C10orf90: variants seen among roughly 807,000 people sequenced by gnomAD.
C10orf90 encodes the protein chromosome 10 open reading frame 90.
In C10orf90, 56 loss-of-function variants were observed where a neutral mutation model predicts 62.5. That is an observed-to-expected ratio of 0.90 (90% CI 0.72 to 1.12). The LOEUF (loss-of-function observed/expected upper bound fraction) is 1.12. Among genes scored for constraint, C10orf90 ranks in the 50% most tolerant of loss-of-function variants. C10orf90 has a pLI of 0.00. For synonymous variants in C10orf90, 386 were observed against 340.4 expected (o/e 1.13, Z -1.47); for missense variants, 970 against 880.4 (o/e 1.10, Z -1.29).
intron 1 of C10orf90, among the ~76,000 whole-genome samples, chr10:126,656,511 C>T (rs906401365): frequency 2.6e-5 from 4 of 152,208 alleles, no homozygotes; most frequent in African/African-American, 9.7e-5. Context: ...AGGCCAAGCC[C>T]TTGCTCCTCT....
In C10orf90 at chr10:126,459,021, C is replaced by G. The variant is rs745788928; in HGVS notation, c.2188+19G>C. ...CATCCCTGGTCTTTTCCAGTCTCCA[C>G]AAGCCACCTGCAGCTTACCACTCAG... On this transcript the variant is annotated intron_variant, in intron 7 of 9. Coordinates refer to ENST00000488181, the MANE Select transcript of C10orf90 (RefSeq NM_001350921.2). 2 of 1,606,400 alleles carry G rather than the reference C, an allele frequency of 1.2e-6. No individual in the cohort carries two copies. The highest frequency in any genetic ancestry group is 1.7e-6 in the Non-Finnish European group (2 of 1,176,380).
At chr10:126,550,048 C>T (rs1217051310) in intron 2 of C10orf90, among the ~76,000 whole-genome samples, 5 of 151,744 alleles carry the variant, frequency 3.3e-5, no homozygotes, top group South Asian at 2.1e-4. Flanking sequence ...ATCAGCCTCC[C>T]GGGTTCAAGC....
In C10orf90 at chr10:126,496,619, G is replaced by C. The variant is rs1476022232; in HGVS notation, c.1534+7338C>G. ...ACCCTCCACTTCAATTTTAAACCAA[G>C]TGGGGATTCTAGTTTTAACTTTACT... is the stretch of plus-strand genomic sequence containing the variant. On this transcript the variant is annotated intron_variant, in intron 4 of 9. Transcript: ENST00000488181. The C allele has an allele frequency of 7.1e-6, 7 of 980,008 alleles. No homozygotes were observed. In the Admixed American group the frequency reaches 4.3e-4, roughly 60 times the overall value. 60.7% of individuals were successfully genotyped at this position (980,008 alleles called of 1,614,324 possible).
rs1047599152 is a variant in C10orf90 at position 126,556,127 on chromosome 10, T to C, written c.314-42188A>G. Among the ~76,000 whole-genome samples, 6 of 152,228 alleles carry C rather than the reference T, an allele frequency of 3.9e-5. No individual in the cohort carries two copies. In the East Asian group the frequency reaches 1.2e-3, roughly 29 times the overall value. ...ATCAAAACCAGCTGGTGGTCTGGCA[T>C]GTGGTCAAGTTACACCAATGTGGGA... On this transcript the variant is annotated intron_variant, in intron 2 of 9. Transcript: ENST00000488181.
At chr10:126,431,979 G>A (rs1163464335) in intron 7 of C10orf90, among the ~76,000 whole-genome samples, 1 of 152,188 alleles carries the variant, frequency 6.6e-6, no homozygotes. Context: ...CATGTTAGGT[G>A]CAAAACAAGC....
intron 2 of C10orf90, among the ~76,000 whole-genome samples, chr10:126,609,469 G>T (rs1468493484): frequency 6.6e-6 from 1 of 152,222 alleles, no homozygotes; most frequent in East Asian, 1.9e-4. Context: ...CCTCAATGAT[G>T]CTGGCTGTCA....
chr10:126,489,265 A>G (rs1224551022), intron 4 of C10orf90, among the ~76,000 whole-genome samples: 3 of 152,174 alleles, frequency 2.0e-5, no homozygotes, highest in Non-Finnish European at 2.9e-5. Flanking sequence ...AAATGAAGAA[A>G]GAAAATCCCA....
At chr10:126,441,449 G>A (rs1355854394) in intron 7 of C10orf90, among the ~76,000 whole-genome samples, 2 of 152,080 alleles carry the variant, frequency 1.3e-5, no homozygotes, top group Non-Finnish European at 2.9e-5. Flanking sequence ...CTAAAAGTTT[G>A]GAAAACATAT....
At chr10:126,431,312 C>T (rs1205250656) in intron 7 of C10orf90, among the ~76,000 whole-genome samples, 1 of 152,168 alleles carries the variant, frequency 6.6e-6, no homozygotes, top group East Asian at 1.9e-4. Context: ...AAAATCCCTA[C>T]ACTAGGTATG....
At chr10:126,556,799 T>C (rs950511592) in intron 2 of C10orf90, among the ~76,000 whole-genome samples, 3 of 151,988 alleles carry the variant, frequency 2.0e-5, no homozygotes, top group Non-Finnish European at 4.4e-5. Flanking sequence ...AGGAGAGAGT[T>C]CCTGTAGACA....
intron 2 of C10orf90, among the ~76,000 whole-genome samples, chr10:126,586,396 C>T (rs1232749730): frequency 6.6e-6 from 1 of 152,188 alleles, no homozygotes; most frequent in Non-Finnish European, 1.5e-5. Flanking sequence ...GGAGGTGGCC[C>T]CAAGCCACTG....
intron 2 of C10orf90, among the ~76,000 whole-genome samples, chr10:126,542,049 G>A (rs184648312): frequency 6.6e-6 from 1 of 152,286 alleles, no homozygotes; most frequent in African/African-American, 2.4e-5. Context: ...CATGCCACAC[G>A]AAAGAAGCCA....
chr10:126,532,754 G>A (rs1864129027), intron 2 of C10orf90, among the ~76,000 whole-genome samples: 3 of 144,952 alleles, frequency 2.1e-5, no homozygotes, highest in South Asian at 4.7e-4. Flanking sequence ...GGAGAATGGC[G>A]TGAACCCGGG....
Position 126,425,971 on chromosome 10 carries a change from G to A in C10orf90, c.2352+20C>T. The stretch of plus-strand genomic sequence containing the variant: ...TCTGTGCACCACACACATCACACCT[G>A]CTGGTGACGAGGCCATTACCTTTTT... On this transcript the variant is annotated intron_variant, in intron 9 of 9. Transcript: ENST00000488181. 2 of 1,613,482 alleles carry A rather than the reference G, an allele frequency of 1.2e-6. No individual in the cohort carries two copies. The highest frequency in any genetic ancestry group is 1.7e-6 in the Non-Finnish European group (2 of 1,179,372).
intron 2 of C10orf90, among the ~76,000 whole-genome samples, chr10:126,615,026 G>T (rs557368114): frequency 2.6e-5 from 4 of 152,258 alleles, no homozygotes; most frequent in African/African-American, 9.6e-5. Context: ...ATGGTTCCAG[G>T]TGGCCTTGCT....
rs933940313 is a variant in C10orf90, at chr10:126,425,870, C to T, written c.2385G>A (p.Ala795=). 23 of 1,614,038 alleles carry T rather than the reference C, an allele frequency of 1.4e-5. No individual in the cohort carries two copies. The highest frequency in any genetic ancestry group is 1.7e-4 in the Middle Eastern group (1 of 6,046). ...TCAGCAGGGCAGCCTGTGGTTAGAC[C>T]GCATTCCTTTGAAGGAGCTGGTCCA... ...QLLDQLLQRN[A]V is the part of the protein sequence containing the mutation. The change falls in exon 10 of 10, where the codon GCG becomes GCA. Residue 795 remains alanine, a synonymous_variant. Transcript: ENST00000488181.
intron 2 of C10orf90, among the ~76,000 whole-genome samples, chr10:126,526,351 T>A (rs1316124373): frequency 6.6e-6 from 1 of 151,898 alleles, no homozygotes; most frequent in African/African-American, 2.4e-5. Context: ...CTCACGCCAT[T>A]CTCCTGCCTC....
chr10:126,558,686 C>G (rs372925657), intron 2 of C10orf90, among the ~76,000 whole-genome samples: 42 of 152,334 alleles, frequency 2.8e-4, no homozygotes, highest in East Asian at 2.7e-3. Context: ...ATTTGTGGCT[C>G]CCATGTCAAA....
chr10:126,446,852 A>C (rs932682273), intron 7 of C10orf90, among the ~76,000 whole-genome samples: 67 of 152,268 alleles, frequency 4.4e-4, no homozygotes, highest in African/African-American at 1.6e-3. Flanking sequence ...AATATATAAA[A>C]ATATGTAAAC....
Sources: allele counts gnomAD v4.1 joint callset (sites outside exome capture counted in the v4.1 genomes callset), GRCh38; gene constraint gnomAD v4.1.1; transcripts MANE v1.5; gene names NCBI Gene and HGNC (gene_info 2026-07-23, HGNC 2026-07-21).